The following DIP2B variants were observed in gnomAD, a reference collection of about 807,000 sequenced individuals.
The protein encoded by DIP2B is DIP2 acetate--CoA ligase B (putative), also known as disco-interacting protein 2 homolog B.
Under a neutral mutation model 198.0 loss-of-function variants are expected in DIP2B, and 76 were observed. The ratio of observed to expected loss-of-function variants is 0.38; its 90% CI spans 0.32 to 0.46. DIP2B has a LOEUF of 0.46. Ranked by LOEUF, DIP2B falls within the 20% of genes least tolerant of loss-of-function variation. The pLI is 0.99. For synonymous variants in DIP2B, 701 were observed against 739.1 expected (o/e 0.95, Z 0.84); for missense variants, 1,559 against 1,978.4 (o/e 0.79, Z 4.02).
At chr12:50,572,549 A>G (rs912111789) in intron 1 of DIP2B, among the ~76,000 whole-genome samples, 1 of 152,194 alleles carries the variant, frequency 6.6e-6, no homozygotes, top group Admixed American at 6.5e-5. Flanking sequence ...GCTTTGAGGG[A>G]TAAGAAAATG....
At chr12:50,709,884 A>G (rs1183503662) in intron 22 of DIP2B, among the ~76,000 whole-genome samples, 1 of 152,150 alleles carries the variant, frequency 6.6e-6, no homozygotes, top group African/African-American at 2.4e-5. Context: ...AAGCTGAGGT[A>G]GGAGGATCGC....
chr12:50,561,599 A>G (rs1958519783), intron 1 of DIP2B, among the ~76,000 whole-genome samples: 1 of 151,438 alleles, frequency 6.6e-6, no homozygotes, highest in Non-Finnish European at 1.5e-5. Flanking sequence ...ATTTTTGCAT[A>G]TATAAATTTG....
intron 26 of DIP2B, 135 bp from the exon 27 acceptor site, chr12:50,723,067 T>C: frequency 5.9e-6 from 6 of 1,012,982 alleles, no homozygotes; most frequent in Non-Finnish European, 7.1e-6. Flanking sequence ...TATCTTCTGC[T>C]AGGGTCTTTG....
intron 23 of DIP2B, among the ~76,000 whole-genome samples, chr12:50,717,636 G>A (rs987982583): frequency 2.0e-5 from 3 of 149,930 alleles, no homozygotes; most frequent in African/African-American, 7.4e-5. Context: ...CAAAGTACTG[G>A]GATTATAGGC....
chr12:50,514,459 C>T (rs1409962646), intron 1 of DIP2B, among the ~76,000 whole-genome samples: 3 of 152,138 alleles, frequency 2.0e-5, no homozygotes, highest in African/African-American at 7.2e-5. Flanking sequence ...GTATCAGTTC[C>T]ACCCGTATCT....
intron 1 of DIP2B, among the ~76,000 whole-genome samples, chr12:50,617,357 G>A (rs558860413): frequency 5.1e-4 from 78 of 151,662 alleles, no homozygotes; most frequent in African/African-American, 1.8e-3. Flanking sequence ...GGGTTTCACC[G>A]TGTTAGCCAG....
rs1334664555 is a variant in DIP2B, at chr12:50,747,104, T to C, written c.*2265T>C. ...CAACATAGGATCAATATAAAAATTA[T>C]TAATGAGTTATTTTACTTTTTTTCA... On this transcript the variant is annotated 3_prime_UTR_variant, in exon 38 of 38. Coordinates refer to ENST00000301180, the MANE Select transcript of DIP2B (RefSeq NM_173602.3). 1 of 152,234 alleles carries C rather than the reference T, an allele frequency of 6.6e-6. No individual in the cohort carries two copies. The highest frequency in any genetic ancestry group is 1.5e-5 in the Non-Finnish European group (1 of 68,038). 9.4% of individuals were successfully genotyped at this position (152,234 alleles called of 1,614,324 possible).
At chr12:50,559,176 C>T (rs1205985072) in intron 1 of DIP2B, among the ~76,000 whole-genome samples, 1 of 152,176 alleles carries the variant, frequency 6.6e-6, no homozygotes, top group South Asian at 2.1e-4. Context: ...CCCCAAGGGA[C>T]AGACTTCTTA....
At chr12:50,732,637 C>T (rs1290959750) in intron 32 of DIP2B, 101 bp downstream of exon 32, 21 of 1,441,372 alleles carry the variant, frequency 1.5e-5, no homozygotes, top group Non-Finnish European at 2.0e-5. Context: ...TGGGCCCCAG[C>T]CGCACTTACT....
chr12:50,698,168 G>A (rs151061751), intron 17 of DIP2B, among the ~76,000 whole-genome samples, 160 bp from the exon 18 acceptor site: 3 of 152,314 alleles, frequency 2.0e-5, no homozygotes, highest in Admixed American at 6.5e-5. Context: ...GGGATCACAG[G>A]TGTGAGACAC....
chr12:50,653,106 A>G (rs1322309076), intron 3 of DIP2B, among the ~76,000 whole-genome samples: 1 of 151,884 alleles, frequency 6.6e-6, no homozygotes, highest in Non-Finnish European at 1.5e-5. Context: ...ATTCATATTT[A>G]AATGTTTGAT....
chr12:50,709,260 G>A (rs1304623826), intron 22 of DIP2B, among the ~76,000 whole-genome samples: 1 of 152,206 alleles, frequency 6.6e-6, no homozygotes, highest in African/African-American at 2.4e-5. Flanking sequence ...GTAATTAATT[G>A]AAGTATATAG....
intron 28 of DIP2B, 106 bp downstream of exon 28, chr12:50,724,992 G>C (rs1939905246): frequency 8.6e-7 from 1 of 1,160,786 alleles, no homozygotes; most frequent in African/African-American, 1.5e-5. Context: ...TATGTCTTCT[G>C]CCTGCTAAGA....
At position 50,683,249 on chromosome 12, in the gene DIP2B, G is replaced by T; in HGVS notation, c.1317+1G>T. On this transcript the variant is annotated splice_donor_variant, in intron 10 of 37. Transcript: ENST00000301180. LOFTEE classifies it high-confidence loss of function. Reference sequence around the variant, plus strand: ...TATAGAGGTACCTCTTACCAGAAAGGTAACATTGCTAAATTTAAGAGGAAT... The same window carrying T: ...TATAGAGGTACCTCTTACCAGAAAGTTAACATTGCTAAATTTAAGAGGAAT... 1 of 1,606,154 alleles carries T rather than the reference G, an allele frequency of 6.2e-7. No individual in the cohort carries two copies. The highest frequency in any genetic ancestry group is 8.5e-7 in the Non-Finnish European group (1 of 1,176,646).
Position 50,744,983 on chromosome 12 carries a change from C to G in DIP2B, c.*144C>G. On this transcript the variant is annotated 3_prime_UTR_variant, in exon 38 of 38. Coordinates refer to ENST00000301180, the MANE Select transcript of DIP2B (RefSeq NM_173602.3). ...ATCTCATCCTGTGGGATTCTGCAAT[C>G]ATAAAACACAGGAAAGGGGAATTCT... 3.9e-6 allele frequency: 4 copies of G among 1,029,534 alleles called. No homozygotes were observed. The South Asian group carries it at 6.8e-5, about 18-fold the overall frequency. 63.8% of individuals were successfully genotyped at this position (1,029,534 alleles called of 1,614,324 possible).
chr12:50,734,691 G>C (rs1482111735), intron 33 of DIP2B, among the ~76,000 whole-genome samples: 1 of 152,168 alleles, frequency 6.6e-6, no homozygotes, highest in East Asian at 1.9e-4. Context: ...GTGTTATCTG[G>C]AGTGCCCCAC....
rs1013204506 is a variant in DIP2B at position 50,679,978 on chromosome 12, C to T, written c.1115-694C>T. Reference sequence around the variant, plus strand: ...ATTTGTAAATTTTTTAAAAAACTGGCCGGGCACAGTTGGCTCATGCCTGTA... The same window carrying T: ...ATTTGTAAATTTTTTAAAAAACTGGTCGGGCACAGTTGGCTCATGCCTGTA... On this transcript the variant is annotated intron_variant, in intron 8 of 37. Coordinates refer to ENST00000301180, the MANE Select transcript of DIP2B (RefSeq NM_173602.3). The T allele has an allele frequency of 2.0e-5, 3 of 152,142 alleles. No individual in the cohort carries two copies. In the East Asian group the frequency reaches 5.8e-4, roughly 29 times the overall value. 9.4% of individuals were successfully genotyped at this position (152,142 alleles called of 1,614,324 possible).
At chr12:50,630,094 C>T (rs1938016360) in intron 2 of DIP2B, among the ~76,000 whole-genome samples, 1 of 151,932 alleles carries the variant, frequency 6.6e-6, no homozygotes, top group Non-Finnish European at 1.5e-5. Context: ...AGACTACAGG[C>T]ATGTGCCACC....
intron 1 of DIP2B, among the ~76,000 whole-genome samples, chr12:50,589,888 A>G (rs962642385): frequency 6.6e-6 from 1 of 152,220 alleles, no homozygotes; most frequent in South Asian, 2.1e-4. Context: ...GGGATTAATT[A>G]TCTTCCAAGA....
Sources: allele counts gnomAD v4.1 joint callset (sites outside exome capture counted in the v4.1 genomes callset), GRCh38; gene constraint gnomAD v4.1.1; transcripts MANE v1.5; gene names NCBI Gene and HGNC (gene_info 2026-07-23, HGNC 2026-07-21).